OLFM2: variants seen among roughly 807,000 people sequenced by gnomAD.
The protein encoded by OLFM2 is noelin-2.
In OLFM2, 20 loss-of-function variants were observed where a neutral mutation model predicts 43.9. The observed-to-expected ratio is 0.46, with a 90% CI of 0.32 to 0.66. The LOEUF is 0.66. Among genes scored for constraint, OLFM2 ranks in the 30% least tolerant of loss-of-function variants. OLFM2 has a pLI of 0.04. For missense variants in OLFM2, 416 were observed against 643.6 expected (o/e 0.65, Z 3.83); for synonymous variants, 268 against 278.6 (o/e 0.96, Z 0.38).
chr19:9,935,665 A>G (rs978306167), intron 1 of OLFM2, among the ~76,000 whole-genome samples: 11 of 152,138 alleles, frequency 7.2e-5, no homozygotes, highest in African/African-American at 2.7e-4. Context: ...AGTCATCTGG[A>G]GCCAGTAATG....
At chr19:9,877,410 G>C (rs2046499645) in intron 1 of OLFM2, among the ~76,000 whole-genome samples, 2 of 151,876 alleles carry the variant, frequency 1.3e-5, no homozygotes, top group Admixed American at 1.3e-4. Flanking sequence ...GCACATGCCT[G>C]TAATCCCAGC....
intron 1 of OLFM2, among the ~76,000 whole-genome samples, chr19:9,921,041 T>C (rs116234045): frequency 2.2e-4 from 33 of 152,340 alleles, no homozygotes; most frequent in African/African-American, 7.9e-4. Flanking sequence ...AAAGTACATG[T>C]AACAACTCAT....
intron 1 of OLFM2, among the ~76,000 whole-genome samples, chr19:9,867,384 T>C (rs1004326497): frequency 1.3e-5 from 2 of 151,262 alleles, no homozygotes; most frequent in Non-Finnish European, 2.9e-5. Flanking sequence ...AAAACAACAA[T>C]AACAACAACA....
chr19:9,869,434 G>A (rs1405995647), intron 1 of OLFM2, among the ~76,000 whole-genome samples: 1 of 152,088 alleles, frequency 6.6e-6, no homozygotes, highest in Non-Finnish European at 1.5e-5. Flanking sequence ...CGCTTGCTGT[G>A]TGACCTCAGC....
At chr19:9,859,843 C>CA (rs1352073027) in intron 2 of OLFM2, among the ~76,000 whole-genome samples, 1 of 151,628 alleles carries the variant, frequency 6.6e-6, no homozygotes, top group Non-Finnish European at 1.5e-5. Flanking sequence ...GCTTCTCTCC[C>CA]AAAAAAGCAT....
At chr19:9,889,514 T>C (rs148688257) in intron 1 of OLFM2, among the ~76,000 whole-genome samples, 1 of 152,202 alleles carries the variant, frequency 6.6e-6, no homozygotes, top group Non-Finnish European at 1.5e-5. Flanking sequence ...CCTCTCAAAG[T>C]ATTGGGATTA....
chr19:9,934,506 C>A (rs1380514108), intron 1 of OLFM2, among the ~76,000 whole-genome samples: 1 of 151,836 alleles, frequency 6.6e-6, no homozygotes, highest in Non-Finnish European at 1.5e-5. Flanking sequence ...TCTAGTGCCC[C>A]CCTAGCAGGG....
chr19:9,930,959 G>A (rs1019281086), intron 1 of OLFM2, among the ~76,000 whole-genome samples: 7 of 151,942 alleles, frequency 4.6e-5, no homozygotes, highest in African/African-American at 7.3e-5. Flanking sequence ...ACATACGCAC[G>A]CGCCCACGCA....
At chr19:9,895,403 G>A (rs2046674788) in intron 1 of OLFM2, among the ~76,000 whole-genome samples, 1 of 151,986 alleles carries the variant, frequency 6.6e-6, no homozygotes, top group Non-Finnish European at 1.5e-5. Context: ...AGCTGAGGTG[G>A]GGGATCACTT....
intron 1 of OLFM2, among the ~76,000 whole-genome samples, chr19:9,932,531 G>A (rs1181318640): frequency 6.6e-6 from 1 of 151,960 alleles, no homozygotes; most frequent in Admixed American, 6.6e-5. Context: ...TGGCAGCAGG[G>A]GGCTATTTCA....
intron 1 of OLFM2, among the ~76,000 whole-genome samples, chr19:9,921,752 T>C (rs2086423093): frequency 6.6e-6 from 1 of 152,066 alleles, no homozygotes; most frequent in South Asian, 2.1e-4. Context: ...CCCAAAATGC[T>C]AGGATTACAG....
At chr19:9,874,328 C>CTT (rs35985373) in intron 1 of OLFM2, among the ~76,000 whole-genome samples, 21,677 of 120,198 alleles carry the variant, frequency 0.18, 2,885 homozygotes, top group African/African-American at 0.29. Context: ...CCCCACTGGC[C>CTT]TTTTTTTTTT....
At chr19:9,874,845 C>G (rs1405042376) in intron 1 of OLFM2, among the ~76,000 whole-genome samples, 1 of 152,132 alleles carries the variant, frequency 6.6e-6, no homozygotes, top group Non-Finnish European at 1.5e-5. Context: ...AACTCCTGAG[C>G]TCAAGTAATC....
intron 1 of OLFM2, among the ~76,000 whole-genome samples, chr19:9,905,024 GA>G (rs1399324174): frequency 2.7e-5 from 4 of 147,112 alleles, no homozygotes; most frequent in South Asian, 2.2e-4. Flanking sequence ...GTCTTGGGAG[GA>G]AAAAAAAAAG....
chr19:9,866,060 G>T (rs1295191360), intron 1 of OLFM2, among the ~76,000 whole-genome samples: 11 of 152,186 alleles, frequency 7.2e-5, no homozygotes, highest in Admixed American at 7.2e-4. Flanking sequence ...AGAGAAGCAA[G>T]ATTTAAGTGG....
intron 1 of OLFM2, chr19:9,913,686 GGT>G (rs2046848899): frequency 9.1e-7 from 1 of 1,101,528 alleles, no homozygotes; most frequent in African/African-American, 1.7e-5. Flanking sequence ...CGGGGCGCTC[GGT>G]CCCTCGACAC....
intron 1 of OLFM2, among the ~76,000 whole-genome samples, chr19:9,900,663 G>A (rs1416429588): frequency 6.6e-6 from 1 of 151,740 alleles, no homozygotes; most frequent in Non-Finnish European, 1.5e-5. Context: ...GGCTGAGGCA[G>A]GAGGGTCGCT....
At chr19:9,902,518 G>C (rs1243326532) in intron 1 of OLFM2, among the ~76,000 whole-genome samples, 3 of 151,952 alleles carry the variant, frequency 2.0e-5, no homozygotes, top group African/African-American at 7.3e-5. Flanking sequence ...GAGTAGCTAG[G>C]ATTACAGGAA....
At chr19:9,879,419 A>G (rs10412861) in intron 1 of OLFM2, among the ~76,000 whole-genome samples, 121,339 of 151,740 alleles carry the variant, frequency 0.8, 49,867 homozygotes, top group Non-Finnish European at 0.9. Flanking sequence ...GGCGTGAGCC[A>G]CCGTACCCAG....
Sources: gnomAD v4.1 joint callset for allele counts (sites outside exome capture counted in the v4.1 genomes callset) on GRCh38, gnomAD v4.1.1 for gene constraint, MANE v1.5 for transcripts, NCBI Gene and HGNC (gene_info 2026-07-23, HGNC 2026-07-21) for gene names.